The following PARP1 variants were observed in gnomAD, a reference collection of about 807,000 sequenced individuals.
The protein encoded by PARP1 is poly [ADP-ribose] polymerase 1.
Under a neutral mutation model 118.7 loss-of-function variants are expected in PARP1, and 44 were observed. That is an observed-to-expected ratio of 0.37 (90% CI 0.29 to 0.48). PARP1 has a LOEUF of 0.48. Ranked by LOEUF, PARP1 falls within the 20% of genes least tolerant of loss-of-function variation. PARP1 has a pLI of 0.99. For missense variants in PARP1, 1,100 were observed against 1,272.4 expected (o/e 0.86, Z 2.06); for synonymous variants, 492 against 483.2 (o/e 1.02, Z -0.24).
intron 1 of PARP1, among the ~76,000 whole-genome samples, chr1:226,406,479 C>T (rs866867310): frequency 6.6e-6 from 1 of 152,220 alleles, no homozygotes; most frequent in African/African-American, 2.4e-5. Context: ...TTCTGCTCCA[C>T]TTCTGTGAAT....
In PARP1 at chr1:226,388,713, C is replaced by T. The variant is rs771064156; in HGVS notation, c.660G>A (p.Ala220=). The T allele has an allele frequency of 5.0e-6, 8 of 1,613,942 alleles. No homozygotes were observed. The highest frequency in any genetic ancestry group is 1.3e-5 in the African/African-American group (1 of 74,894). ...CTTTTTCTTTTTTAGATTTCTTCTT[C>T]GCCACTTCATCCACTCCATCCACCT... ...GDEVDGVDEV[A]KKKSKKEKDK... is the part of the protein sequence containing the mutation. Residue 220 remains alanine, a synonymous_variant, in exon 5 of 23, where the codon GCG becomes GCA. Transcript: ENST00000366794.
In PARP1 at chr1:226,396,963, T is replaced by C. The variant is rs150347600; in HGVS notation, c.287-4649A>G. The stretch of plus-strand genomic sequence containing the variant: ...ATGCCCCTAAACCTACAACTTCCCC[T>C]ATCCTGAATACAAAAGAGAAAACAG... On this transcript the variant is annotated intron_variant, in intron 2 of 22. Coordinates refer to ENST00000366794, the MANE Select transcript of PARP1 (RefSeq NM_001618.4). Among the ~76,000 whole-genome samples the C allele has an allele frequency of 3.2e-4, 49 of 152,064 alleles. 1 individual carries two copies. Among genetic ancestry groups the C allele is most frequent in the African/African-American group, 1.2e-3 (48 of 41,492 alleles).
intron 1 of PARP1, 75 bp downstream of exon 1, chr1:226,407,735 C>T: frequency 6.7e-7 from 1 of 1,482,136 alleles, no homozygotes; most frequent in African/African-American, 1.4e-5. Flanking sequence ...TGGGCCCGCC[C>T]TCCCCCAGCC....
At chr1:226,378,116 C>T (rs902619780) in intron 12 of PARP1, among the ~76,000 whole-genome samples, 6 of 152,036 alleles carry the variant, frequency 3.9e-5, no homozygotes, top group Non-Finnish European at 8.8e-5. Flanking sequence ...AAAATTTTTT[C>T]TGACCCTAAC....
chr1:226,399,609 T>A (rs979895508), intron 2 of PARP1, among the ~76,000 whole-genome samples: 1 of 152,208 alleles, frequency 6.6e-6, no homozygotes, highest in Non-Finnish European at 1.5e-5. Context: ...TGTCAATGTA[T>A]GTTTGTTAAA....
In PARP1 at chr1:226,407,860, A is replaced by G. The variant is rs1665184321; in HGVS notation, c.70T>C (p.Cys24Arg). The G allele has an allele frequency of 6.2e-7, 1 of 1,608,230 alleles. No individual in the cohort carries two copies. Among genetic ancestry groups the G allele is most frequent in the Non-Finnish European group, 8.5e-7 (1 of 1,177,602 alleles). ...GAGTCCTTGGGGATGCTCTCGCTGCATTTCTTGCAAGAGGCGCGCCCGCTC... is the reference window on the plus strand; with the variant it reads ...GAGTCCTTGGGGATGCTCTCGCTGCGTTTCTTGCAAGAGGCGCGCCCGCTC... ...AKSGRASCKK[C>R]SESIPKDSLR... The change falls in exon 1 of 23, where the codon TGC (cysteine) becomes CGC (arginine). Residue 24 changes from cysteine to arginine, a missense_variant. Cys to Arg is a radical substitution (Grantham distance 180). Around this residue, in one of 2 missense-constraint regions of PARP1, gnomAD observed 948 missense variants for 1,031.8 expected, o/e 0.92. Transcript: ENST00000366794.
chr1:226,365,254 C>T (rs945577520), intron 18 of PARP1, 100 bp from the exon 19 acceptor site: 2 of 1,330,564 alleles, frequency 1.5e-6, no homozygotes, highest in Admixed American at 1.8e-5. Flanking sequence ...ACCGGCTGTC[C>T]CTAAGGCTAG....
Position 226,407,925 on chromosome 1 carries a change from G to A in PARP1, c.5C>T (p.Ala2Val), listed in dbSNP as rs769133844. 1.1e-5 allele frequency: 17 copies of A among 1,611,950 alleles called. No individual in the cohort carries two copies. Among genetic ancestry groups the A allele is most frequent in the Non-Finnish European group, 1.4e-5 (16 of 1,179,044 alleles). The change falls in exon 1 of 23, where the codon GCG (alanine) becomes GTG (valine). Residue 2 changes from alanine (A) to valine (V), a missense_variant. Ala to Val is a moderately conservative substitution (Grantham distance 64). This residue lies in a region of PARP1 where 948 missense variants were observed against 1,031.8 expected (regional missense o/e 0.92). Transcript: ENST00000366794. Reference protein sequence around the residue: MAESSDKLYRVE... With the variant: MVESSDKLYRVE... ...TCGATAGAGCTTATCCGAAGACTCC[G>A]CCATCCTCCCCTAGCTGCCGCCAAA...
At chr1:226,388,133 T>G (rs1395710951) in intron 5 of PARP1, among the ~76,000 whole-genome samples, 1 of 152,248 alleles carries the variant, frequency 6.6e-6, no homozygotes, top group Non-Finnish European at 1.5e-5. Context: ...GATGAATCTT[T>G]CTGGTCAAGG....
At position 226,384,896 on chromosome 1, in the gene PARP1, T is replaced by C. The variant is rs116024943; in HGVS notation, c.1011+608A>G. ...TTGGTGAGTGGCAGAGCTCTGCACCTACCCAGGCTGCTGGGCCTGGGTCCT... is the reference window on the plus strand; with the variant it reads ...TTGGTGAGTGGCAGAGCTCTGCACCCACCCAGGCTGCTGGGCCTGGGTCCT... On this transcript the variant is annotated intron_variant, in intron 7 of 22. Coordinates refer to ENST00000366794, the MANE Select transcript of PARP1 (RefSeq NM_001618.4). 3.8e-3 allele frequency among the ~76,000 whole-genome samples: 583 copies of C among 152,316 alleles called. 3 individuals are homozygous for C. The highest frequency in any genetic ancestry group is 0.013 in the African/African-American group (538 of 41,580).
chr1:226,400,106 A>G (rs1233919168), intron 2 of PARP1, among the ~76,000 whole-genome samples: 1 of 152,210 alleles, frequency 6.6e-6, no homozygotes, highest in Non-Finnish European at 1.5e-5. Flanking sequence ...GCATGATACA[A>G]GACACCTCTC....
intron 14 of PARP1, chr1:226,370,768 CT>C (rs1255791683): frequency 3.1e-5 from 17 of 552,044 alleles, no homozygotes; most frequent in Non-Finnish European, 5.3e-5. Flanking sequence ...TCCTCTGCCC[CT>C]ATGCCCAGTT....
chr1:226,378,089 T>C (rs1362441639), intron 12 of PARP1, among the ~76,000 whole-genome samples: 1 of 152,192 alleles, frequency 6.6e-6, no homozygotes, highest in Non-Finnish European at 1.5e-5. Flanking sequence ...TGAGAAGCAC[T>C]ACCTTGATCT....
At chr1:226,375,893 T>C (rs773312909) in intron 13 of PARP1, among the ~76,000 whole-genome samples, 21 of 152,312 alleles carry the variant, frequency 1.4e-4, no homozygotes, top group African/African-American at 5.1e-4. Flanking sequence ...GAAACGTACA[T>C]ATGCAGTGAA....
chr1:226,364,920 A>T, intron 19 of PARP1, 82 bp downstream of exon 19: 1 of 1,499,348 alleles, frequency 6.7e-7, no homozygotes, highest in Non-Finnish European at 9.3e-7. Flanking sequence ...CCCTAAACCA[A>T]CTAGACCTCT....
intron 12 of PARP1, 22 bp downstream of exon 12, chr1:226,379,120 A>G: frequency 1.2e-6 from 2 of 1,614,076 alleles, no homozygotes; most frequent in Non-Finnish European, 8.5e-7. Flanking sequence ...CTGCACAACC[A>G]GGCTACACCT....
chr1:226,396,179 C>G (rs1465494193), intron 2 of PARP1, among the ~76,000 whole-genome samples: 4 of 152,084 alleles, frequency 2.6e-5, no homozygotes, highest in Non-Finnish European at 5.9e-5. Context: ...AACCCCATCT[C>G]TACTAAAAAT....
intron 20 of PARP1, 123 bp downstream of exon 20, chr1:226,363,819 TA>T: frequency 1.0e-6 from 1 of 993,646 alleles, no homozygotes; most frequent in African/African-American, 1.6e-5. Flanking sequence ...AAAAGAATCC[TA>T]ATTGGTGCGT....
In PARP1 at chr1:226,361,237, A is replaced by G. The variant is rs993175696; in HGVS notation, c.*223T>C. 5.0e-6 allele frequency: 3 copies of G among 597,508 alleles called. No homozygotes were observed. The African/African-American group carries it at 5.6e-5, about 11-fold the overall frequency. 37.0% of individuals were successfully genotyped at this position (597,508 alleles called of 1,614,324 possible). On this transcript the variant is annotated 3_prime_UTR_variant, in exon 23 of 23. Coordinates refer to ENST00000366794, the MANE Select transcript of PARP1 (RefSeq NM_001618.4). ...CAGTTTTATCTACCTGGCAAGAAAA[A>G]ACAAAAACAACCCCAAAACAACCCC...
Sources: allele counts gnomAD v4.1 joint callset (sites outside exome capture counted in the v4.1 genomes callset), GRCh38; gene constraint gnomAD v4.1.1; regional missense constraint gnomAD v4.1.1; transcripts MANE v1.5; gene names NCBI Gene and HGNC (gene_info 2026-07-23, HGNC 2026-07-21).